Variants in TAFA2 observed in about 807,000 individuals in gnomAD.
TAFA2 encodes TAFA chemokine like family member 2, also known as chemokine-like protein TAFA-2.
Under a neutral mutation model 18.8 loss-of-function variants are expected in TAFA2, and 7 were observed. The ratio of observed to expected loss-of-function variants is 0.37; its 90% CI spans 0.21 to 0.70. The LOEUF is 0.70. TAFA2 is among the 30% of genes least tolerant of loss of function. The pLI is 0.53. For synonymous variants in TAFA2, 60 were observed against 54.2 expected, an observed-to-expected ratio of 1.11 and a Z score of -0.47; for missense variants, 122 against 158.1, an observed-to-expected ratio of 0.77 and a Z score of 1.23.
At chr12:62,047,403 G>A (rs879781434) in intron 1 of TAFA2, among the ~76,000 whole-genome samples, 16 of 152,024 alleles carry the variant, frequency 1.1e-4, no homozygotes, top group Admixed American at 3.3e-4. Context: ...CAATTAGATG[G>A]TGTAGGTAAT....
At chr12:62,136,955 T>C (rs964185946) in intron 1 of TAFA2, among the ~76,000 whole-genome samples, 1 of 152,138 alleles carries the variant, frequency 6.6e-6, no homozygotes, top group African/African-American at 2.4e-5. Flanking sequence ...CCTGAGGCTC[T>C]CAAGTCTGTC....
Position 61,971,772 on chromosome 12 carries a change from A to C in TAFA2, c.-1-104346T>G, listed in dbSNP as rs35220447. ...TAGTGTTAGGAGAAATACCTAATGT[A>C]AATGACGAGTTAATGGGTGCAGCAA... On this transcript the variant is annotated intron_variant, in intron 1 of 4. Coordinates refer to ENST00000416284, the MANE Select transcript of TAFA2 (RefSeq NM_178539.5). Among the ~76,000 whole-genome samples, 617 of 151,732 alleles carry C rather than the reference A, an allele frequency of 4.1e-3. 1 individual carries two copies. Among genetic ancestry groups the C allele is most frequent in the Middle Eastern group, 0.01 (3 of 294 alleles).
chr12:62,136,397 T>C (rs1279844916), intron 1 of TAFA2, among the ~76,000 whole-genome samples: 1 of 152,134 alleles, frequency 6.6e-6, no homozygotes. Flanking sequence ...ACCCTAATAA[T>C]TTCAGAGGAA....
intron 2 of TAFA2, among the ~76,000 whole-genome samples, chr12:61,756,298 A>G (rs1164086961): frequency 6.6e-6 from 1 of 152,104 alleles, no homozygotes; most frequent in Non-Finnish European, 1.5e-5. Flanking sequence ...CACTGTAGAT[A>G]TAAATTGGAA....
chr12:62,183,832 T>C (rs566477015), intron 1 of TAFA2, among the ~76,000 whole-genome samples: 1 of 152,334 alleles, frequency 6.6e-6, no homozygotes, highest in Non-Finnish European at 1.5e-5. Context: ...AATTATCATA[T>C]AATATATGAA....
chr12:61,874,333 C>T (rs1048352863), intron 1 of TAFA2, among the ~76,000 whole-genome samples: 1 of 152,078 alleles, frequency 6.6e-6, no homozygotes, highest in African/African-American at 2.4e-5. Flanking sequence ...TTTTAAAATG[C>T]TCATTAAGTT....
chr12:62,070,080 A>C (rs1882589484), intron 1 of TAFA2, among the ~76,000 whole-genome samples: 1 of 152,160 alleles, frequency 6.6e-6, no homozygotes, highest in African/African-American at 2.4e-5. Context: ...TTCCAAAGAC[A>C]CAGAAGGCAG....
At chr12:61,804,596 A>C (rs1215532463) in intron 2 of TAFA2, among the ~76,000 whole-genome samples, 2 of 152,102 alleles carry the variant, frequency 1.3e-5, no homozygotes, top group Admixed American at 1.3e-4. Context: ...GGTGACATGC[A>C]TACAGTTTAT....
At chr12:61,900,783 G>A (rs1044432406) in intron 1 of TAFA2, among the ~76,000 whole-genome samples, 2 of 152,176 alleles carry the variant, frequency 1.3e-5, no homozygotes, top group Non-Finnish European at 2.9e-5. Context: ...GGTATAAAAT[G>A]ATATCCATTT....
chr12:61,944,511 C>T (rs2121431717), intron 1 of TAFA2, among the ~76,000 whole-genome samples: 2 of 121,782 alleles, frequency 1.6e-5, no homozygotes, highest in Admixed American at 1.7e-4. Flanking sequence ...TCAATGAATC[C>T]AGGAGCTGGT....
intron 2 of TAFA2, among the ~76,000 whole-genome samples, chr12:61,839,925 G>GA (rs972758453): frequency 3.3e-5 from 5 of 152,130 alleles, no homozygotes; most frequent in South Asian, 2.1e-4. Flanking sequence ...AGAATACTGA[G>GA]AAAAAATTAG....
chr12:61,748,491 G>A (rs1868842835), intron 4 of TAFA2, among the ~76,000 whole-genome samples: 3 of 152,070 alleles, frequency 2.0e-5, no homozygotes, highest in Non-Finnish European at 4.4e-5. Context: ...GATGATTGAA[G>A]AATTTACACG....
intron 2 of TAFA2, among the ~76,000 whole-genome samples, chr12:61,758,501 A>C (rs1869379062): frequency 6.6e-6 from 1 of 152,050 alleles, no homozygotes; most frequent in South Asian, 2.1e-4. Context: ...AAGGTGGGAT[A>C]TGTAGGTACA....
chr12:62,181,999 C>CCT (rs548525246), intron 1 of TAFA2, among the ~76,000 whole-genome samples: 1 of 150,284 alleles, frequency 6.7e-6, no homozygotes, highest in Admixed American at 6.6e-5. Flanking sequence ...ATCCCCCCCC[C>CCT]GCTACACATA....
At chr12:61,988,834 A>C (rs749500986) in intron 1 of TAFA2, among the ~76,000 whole-genome samples, 1 of 152,066 alleles carries the variant, frequency 6.6e-6, no homozygotes, top group African/African-American at 2.4e-5. Flanking sequence ...TGGGAGCCTA[A>C]GTTTTTAATT....
At chr12:61,901,674 C>G (rs1876106564) in intron 1 of TAFA2, among the ~76,000 whole-genome samples, 1 of 152,030 alleles carries the variant, frequency 6.6e-6, no homozygotes, top group African/African-American at 2.4e-5. Flanking sequence ...CAGGTAAGAT[C>G]AGAAGAAGTA....
At position 62,141,301 on chromosome 12, in the gene TAFA2, C is replaced by T. The variant is rs2062237351; in HGVS notation, c.-2+49958G>A. On this transcript the variant is annotated intron_variant, in intron 1 of 4. Coordinates refer to ENST00000416284, the MANE Select transcript of TAFA2 (RefSeq NM_178539.5). ...TATGTAGACTGATCGTGTAATTGAC[C>T]TATAGCACTGCGAGAATGGGGCTTA... Among the ~76,000 whole-genome samples, 2 of 152,130 alleles carry T rather than the reference C, an allele frequency of 1.3e-5. 1 individual carries two copies. The highest frequency in any genetic ancestry group is 4.1e-4 in the South Asian group (2 of 4,824).
At chr12:62,170,894 G>A (rs1182035358) in intron 1 of TAFA2, among the ~76,000 whole-genome samples, 1 of 152,056 alleles carries the variant, frequency 6.6e-6, no homozygotes, top group Non-Finnish European at 1.5e-5. Context: ...TTGGCTTATT[G>A]TTATGTCTCT....
intron 4 of TAFA2, among the ~76,000 whole-genome samples, 179 bp from the exon 5 acceptor site, chr12:61,710,596 T>A (rs977602186): frequency 2.0e-5 from 3 of 152,158 alleles, no homozygotes; most frequent in African/African-American, 7.2e-5. Flanking sequence ...ATATACTTTT[T>A]TTCTCATTAT....
Sources: gnomAD v4.1 joint callset for allele counts (sites outside exome capture counted in the v4.1 genomes callset) on GRCh38, gnomAD v4.1.1 for gene constraint, MANE v1.5 for transcripts, NCBI Gene and HGNC (gene_info 2026-07-23, HGNC 2026-07-21) for gene names.